IL17RD: variants seen among roughly 807,000 people sequenced by gnomAD.
IL17RD encodes interleukin 17 receptor D, also known as interleukin-17 receptor D.
IL17RD carries 52 observed loss-of-function variants against 80.5 expected under a neutral mutation model. That is an observed-to-expected ratio of 0.65 (90% CI 0.52 to 0.81). The LOEUF (loss-of-function observed/expected upper bound fraction) is 0.81, where lower values mean the gene tolerates loss of function less well. Ranked by LOEUF, IL17RD falls within the 40% of genes least tolerant of loss-of-function variation. The pLI is 0.00. For synonymous variants in IL17RD, 416 were observed against 391.8 expected (o/e 1.06, Z -0.73); for missense variants, 1,024 against 955.1 (o/e 1.07, Z -0.95).
chr3:57,103,170 A>ATT, intron 8 of IL17RD, 25 bp from the exon 9 acceptor site: 3 of 1,539,764 alleles, frequency 1.9e-6, no homozygotes, highest in Admixed American at 1.9e-5. Flanking sequence ...ATGCTGCATT[A>ATT]TTTTTTTTTA....
intron 1 of IL17RD, among the ~76,000 whole-genome samples, chr3:57,145,924 G>A (rs1483298521): frequency 6.6e-6 from 1 of 152,084 alleles, no homozygotes. Flanking sequence ...CCAAGATCGG[G>A]ATTTTTTTTA....
At chr3:57,130,285 C>T (rs775715190) in intron 1 of IL17RD, among the ~76,000 whole-genome samples, 73 of 152,214 alleles carry the variant, frequency 4.8e-4, no homozygotes, top group Non-Finnish European at 5.6e-4. Context: ...CACAAAAAAT[C>T]CCAAGACCCC....
chr3:57,162,679 C>T (rs937424922), intron 1 of IL17RD, among the ~76,000 whole-genome samples: 1 of 152,100 alleles, frequency 6.6e-6, no homozygotes, highest in African/African-American at 2.4e-5. Context: ...TGATCTTTGC[C>T]TCTACTTCTT....
intron 1 of IL17RD, among the ~76,000 whole-genome samples, chr3:57,120,674 T>C (rs1041343817): frequency 2.0e-5 from 3 of 152,154 alleles, no homozygotes; most frequent in Non-Finnish European, 2.9e-5. Flanking sequence ...TGAGCACTGA[T>C]TGGTTATAAA....
Position 57,095,558 on chromosome 3 carries a change from C to T in IL17RD, c.*835G>A, listed in dbSNP as rs1311731827. On this transcript the variant is annotated 3_prime_UTR_variant, in exon 13 of 13. Coordinates refer to ENST00000296318, the MANE Select transcript of IL17RD (RefSeq NM_017563.5). ...TAATACAGACCAGCTGGGTAGCAGT[C>T]TCTTAAGAATAAACTTCCAGACACC... The T allele has an allele frequency of 6.6e-6, 1 of 152,214 alleles. No homozygotes were observed. The highest frequency in any genetic ancestry group is 1.5e-5 in the Non-Finnish European group (1 of 68,054). The allele number at this position is 152,214 out of a possible 1,614,324, so 9.4% of individuals were successfully genotyped here. A position where few individuals can be genotyped will look rare whatever the true frequency, so the allele number is the denominator to read the frequency against.
At chr3:57,145,059 A>G (rs1707899363) in intron 1 of IL17RD, among the ~76,000 whole-genome samples, 1 of 152,118 alleles carries the variant, frequency 6.6e-6, no homozygotes, top group South Asian at 2.1e-4. Flanking sequence ...TGTCAAACAA[A>G]CTATTTCTGT....
chr3:57,134,039 T>C, intron 1 of IL17RD: 1 of 353,836 alleles, frequency 2.8e-6, no homozygotes, highest in Non-Finnish European at 5.2e-6. Flanking sequence ...AAAGCAGTGA[T>C]TAATTCTTTT....
At chr3:57,130,450 C>T (rs931232142) in intron 1 of IL17RD, among the ~76,000 whole-genome samples, 1 of 152,216 alleles carries the variant, frequency 6.6e-6, no homozygotes, top group Non-Finnish European at 1.5e-5. Context: ...TTCTCTCTGT[C>T]CTCCAGGAGT....
intron 1 of IL17RD, among the ~76,000 whole-genome samples, chr3:57,122,105 T>C (rs1420765999): frequency 1.3e-5 from 2 of 152,126 alleles, no homozygotes; most frequent in Non-Finnish European, 2.9e-5. Flanking sequence ...AAACAAGGTA[T>C]ATATAGCAAG....
At chr3:57,153,131 C>T (rs1188690898) in intron 1 of IL17RD, among the ~76,000 whole-genome samples, 1 of 152,200 alleles carries the variant, frequency 6.6e-6, no homozygotes, top group Non-Finnish European at 1.5e-5. Context: ...GCACAAATGA[C>T]ATCCTGCATT....
intron 1 of IL17RD, chr3:57,134,365 G>A: frequency 1.4e-6 from 1 of 692,580 alleles, no homozygotes; most frequent in East Asian, 2.6e-5. Context: ...AGGCACATGG[G>A]CATAAGTAAG....
intron 11 of IL17RD, among the ~76,000 whole-genome samples, chr3:57,100,165 C>T (rs1255109928): frequency 5.3e-5 from 8 of 152,068 alleles, no homozygotes; most frequent in African/African-American, 1.9e-4. Flanking sequence ...CTTGGTTGCC[C>T]GTGGTATCTG....
rs748533114 is a variant in IL17RD at position 57,098,101 on chromosome 3, G to C, written c.1602C>G (p.Phe534Leu). ...HTRQGSRRNY[F>L]RSKSGRSLYV... ...ATAGGGACCGGCCTGACTTGCTCCGGAAGTAGTTCCTTCTGCTGCCCTGTC... is the reference window on the plus strand; with the variant it reads ...ATAGGGACCGGCCTGACTTGCTCCGCAAGTAGTTCCTTCTGCTGCCCTGTC... The change falls in exon 12 of 13, where the codon TTC (phenylalanine) becomes TTG (leucine). Residue 534 changes from phenylalanine to leucine, a missense_variant. By Grantham distance (22) the Phe-to-Leu change is conservative (BLOSUM62 0). Transcript: ENST00000296318. 1.2e-6 allele frequency: 2 copies of C among 1,613,994 alleles called. No homozygotes were observed. The highest frequency in any genetic ancestry group is 1.7e-6 in the Non-Finnish European group (2 of 1,179,888).
In IL17RD at chr3:57,138,394, G is replaced by A. The variant is rs191301168; in HGVS notation, c.127-18081C>T. 9.3e-4 allele frequency among the ~76,000 whole-genome samples: 141 copies of A among 152,312 alleles called. 1 individual carries two copies. The highest frequency in any genetic ancestry group is 1.8e-3 in the Admixed American group (27 of 15,300). ...AGGGCCACATATGCAGGAAGAACTAGAGACTAGAGGGTGGAAGACTGGAGC... is the reference window on the plus strand; with the variant it reads ...AGGGCCACATATGCAGGAAGAACTAAAGACTAGAGGGTGGAAGACTGGAGC... On this transcript the variant is annotated intron_variant, in intron 1 of 12. Coordinates refer to ENST00000296318, the MANE Select transcript of IL17RD (RefSeq NM_017563.5).
rs2035656 is a variant in IL17RD at position 57,091,073 on chromosome 3, A to C, written c.*5320T>G. The C allele has an allele frequency of 0.16, 24,630 of 152,610 alleles. 2,521 individuals are homozygous for C. Among genetic ancestry groups the C allele is most frequent in the East Asian group, 0.36 (1,882 of 5,168 alleles). 9.5% of individuals were successfully genotyped at this position (152,610 alleles called of 1,614,324 possible). ...AAATGTCTTTGCAAATTAGCCCTCA[A>C]ACAGCAATGGGAAGGTGGTACTTAG... On this transcript the variant is annotated 3_prime_UTR_variant, in exon 13 of 13. Coordinates refer to ENST00000296318, the MANE Select transcript of IL17RD (RefSeq NM_017563.5).
At chr3:57,110,438 G>T in intron 3 of IL17RD, 127 bp from the exon 4 acceptor site, 2 of 1,036,932 alleles carry the variant, frequency 1.9e-6, no homozygotes, top group South Asian at 1.5e-5. Context: ...TGTGGCCAGG[G>T]TATCTGAGTC....
rs1255873578 is a variant in IL17RD, at chr3:57,098,503, A to G, written c.1200T>C (p.Cys400=). The G allele has an allele frequency of 1.2e-6, 2 of 1,611,378 alleles. No individual in the cohort carries two copies. The highest frequency in any genetic ancestry group is 1.1e-5 in the South Asian group (1 of 90,696). ...TGACCCATTCTCTCTGCCCTTCTCT[A>G]CAGAGGCTGAAGTCTTCCCACAGGT... ...ALDLWEDFSL[C]REGQREWVIQ... The change falls in exon 12 of 13, where the codon TGT becomes TGC. Residue 400 remains cysteine (C), a synonymous_variant. Transcript: ENST00000296318.
chr3:57,162,861 A>G (rs1029984069), intron 1 of IL17RD, among the ~76,000 whole-genome samples: 2 of 152,220 alleles, frequency 1.3e-5, no homozygotes, highest in African/African-American at 4.8e-5. Context: ...TGATGAGACT[A>G]AAGTGCAAGG....
intron 1 of IL17RD, among the ~76,000 whole-genome samples, chr3:57,143,688 T>C (rs76208275): frequency 0.14 from 21,890 of 152,186 alleles, 2,184 homozygotes; most frequent in East Asian, 0.38. Flanking sequence ...CTCAATAGGG[T>C]AATCCTGCCC....
Sources: gnomAD v4.1 joint callset for allele counts (sites outside exome capture counted in the v4.1 genomes callset) on GRCh38, gnomAD v4.1.1 for gene constraint, MANE v1.5 for transcripts, NCBI Gene and HGNC (gene_info 2026-07-23, HGNC 2026-07-21) for gene names.